Variants in KCNIP1 observed in about 807,000 individuals in gnomAD.
The protein encoded by KCNIP1 is potassium voltage-gated channel interacting protein 1.
Under a neutral mutation model 33.0 loss-of-function variants are expected in KCNIP1, and 18 were observed. The observed-to-expected ratio is 0.55, with a 90% confidence interval of 0.38 to 0.81. The LOEUF (loss-of-function observed/expected upper bound fraction) is 0.81, where lower values mean the gene tolerates loss of function less well. Among genes scored for constraint, KCNIP1 ranks in the 30% least tolerant of loss-of-function variants. The pLI, the probability that KCNIP1 is intolerant of heterozygous loss-of-function variation, is 0.00. For synonymous variants in KCNIP1, 93 were observed against 98.3 expected, an observed-to-expected ratio of 0.95 and a Z score of 0.32; for missense variants, 238 against 271.6, an observed-to-expected ratio of 0.88 and a Z score of 0.87.
chr5:170,367,057 G>A lies in KCNIP1; in HGVS notation c.88+13093G>A, dbSNP rs374714406. 2.3e-4 allele frequency among the ~76,000 whole-genome samples: 35 copies of A among 152,238 alleles called. No homozygotes were observed. The South Asian group carries it at 4.1e-3, about 18-fold the overall frequency. ...CGTGCAGTCTGGCACGGTGGCTCAC[G>A]CCTGTAATCCCAACACTTTGGGAGG... On this transcript the variant is annotated intron_variant, in intron 1 of 7. Coordinates refer to the KCNIP1 transcript ENST00000377360.
chr5:170,561,958 A>G (rs1757048322), intron 1 of KCNIP1, among the ~76,000 whole-genome samples: 1 of 152,256 alleles, frequency 6.6e-6, no homozygotes, highest in African/African-American at 2.4e-5. Context: ...AATAAATTGT[A>G]AATTGAACCA....
intron 4 of KCNIP1, 25 bp from the exon 5 acceptor site, chr5:170,722,688 T>C: frequency 6.7e-7 from 1 of 1,488,358 alleles, no homozygotes. Context: ...ATGGTTAATG[T>C]CACTCTGCCT....
intron 1 of KCNIP1, among the ~76,000 whole-genome samples, chr5:170,672,539 A>T (rs11744286): frequency 1.3e-5 from 2 of 152,202 alleles, no homozygotes; most frequent in Non-Finnish European, 2.9e-5. Context: ...GGAGAATTTT[A>T]AAAAAATATA....
intron 1 of KCNIP1, among the ~76,000 whole-genome samples, chr5:170,581,366 A>T (rs777822741): frequency 1.1e-4 from 17 of 152,250 alleles, no homozygotes; most frequent in Non-Finnish European, 1.9e-4. Flanking sequence ...CTGGATCATG[A>T]GTGTCAAGAA....
intron 1 of KCNIP1, among the ~76,000 whole-genome samples, chr5:170,434,068 A>G (rs1755804197): frequency 1.3e-5 from 2 of 152,196 alleles, no homozygotes; most frequent in African/African-American, 4.8e-5. Context: ...GCTTAAGAAA[A>G]GTGACCAAAG....
intron 1 of KCNIP1, among the ~76,000 whole-genome samples, chr5:170,711,656 G>A (rs1458737244): frequency 6.6e-6 from 1 of 152,128 alleles, no homozygotes; most frequent in Non-Finnish European, 1.5e-5. Flanking sequence ...TGTGAGGGCG[G>A]AATATACACA....
At chr5:170,498,289 G>A (rs1428909891) in intron 1 of KCNIP1, among the ~76,000 whole-genome samples, 1 of 152,218 alleles carries the variant, frequency 6.6e-6, no homozygotes, top group Non-Finnish European at 1.5e-5. Context: ...CAACGACATT[G>A]CTGAGATTGT....
At chr5:170,553,171 A>G (rs1424178855) in intron 1 of KCNIP1, among the ~76,000 whole-genome samples, 1 of 152,236 alleles carries the variant, frequency 6.6e-6, no homozygotes, top group East Asian at 1.9e-4. Flanking sequence ...GATAATCCTC[A>G]CAACTGCCCC....
chr5:170,665,711 T>C (rs1442806736), intron 1 of KCNIP1, among the ~76,000 whole-genome samples: 1 of 151,468 alleles, frequency 6.6e-6, no homozygotes, highest in African/African-American at 2.4e-5. Context: ...TTCCATTTCG[T>C]AGGCATGTCT....
At chr5:170,424,902 G>A (rs939297660) in intron 1 of KCNIP1, among the ~76,000 whole-genome samples, 4 of 152,224 alleles carry the variant, frequency 2.6e-5, no homozygotes, top group Admixed American at 6.5e-5. Context: ...TTATCTGGGC[G>A]TCTTGGCTTC....
At chr5:170,533,068 A>G (rs977465343) in intron 1 of KCNIP1, among the ~76,000 whole-genome samples, 1 of 152,198 alleles carries the variant, frequency 6.6e-6, no homozygotes, top group Non-Finnish European at 1.5e-5. Context: ...CTTTGTCTGC[A>G]GTTGTAAAAG....
rs778692053 is a variant in KCNIP1, at chr5:170,385,402, C to T, written c.88+31438C>T. On this transcript the variant is annotated intron_variant, in intron 1 of 7. Coordinates refer to the KCNIP1 transcript ENST00000377360. ...ACCATGGTTACACCCAGGCAAAGGG[C>T]TCGTGTCTCTCCCCGCTTCTGGGCC... 1.1e-5 allele frequency: 18 copies of T among 1,613,996 alleles called. No homozygotes were observed. In the South Asian group the frequency reaches 1.6e-4, roughly 15 times the overall value.
At chr5:170,566,916 G>A (rs888251385) in intron 1 of KCNIP1, among the ~76,000 whole-genome samples, 12 of 152,266 alleles carry the variant, frequency 7.9e-5, no homozygotes, top group South Asian at 4.1e-4. Flanking sequence ...ACCACGAACA[G>A]AAAGTCTGTG....
At chr5:170,364,164 C>T (rs372425474) in intron 1 of KCNIP1, among the ~76,000 whole-genome samples, 1 of 152,092 alleles carries the variant, frequency 6.6e-6, no homozygotes, top group South Asian at 2.1e-4. Context: ...CCACCACACC[C>T]AACTAATTTT....
chr5:170,700,439 T>C (rs1235546982), intron 1 of KCNIP1, among the ~76,000 whole-genome samples: 1 of 152,230 alleles, frequency 6.6e-6, no homozygotes, highest in Admixed American at 6.5e-5. Flanking sequence ...CATTGTGGCA[T>C]CTGCCCGTGG....
intron 1 of KCNIP1, among the ~76,000 whole-genome samples, chr5:170,518,786 GA>G (rs1282671075): frequency 7.2e-5 from 11 of 152,152 alleles, no homozygotes; most frequent in Non-Finnish European, 1.5e-4. Context: ...GTTCTACTGG[GA>G]TTCTGTGCTA....
At chr5:170,714,705 A>T in intron 1 of KCNIP1, among the ~76,000 whole-genome samples, 1 of 152,180 alleles carries the variant, frequency 6.6e-6, no homozygotes, top group Admixed American at 6.5e-5. Flanking sequence ...AAAAGAAATG[A>T]AAATAAAAAA....
chr5:170,569,115 A>G (rs1757306867), intron 1 of KCNIP1, among the ~76,000 whole-genome samples: 1 of 152,176 alleles, frequency 6.6e-6, no homozygotes, highest in South Asian at 2.1e-4. Context: ...ACCCTTTTCC[A>G]GTAACCATGG....
chr5:170,561,046 C>T (rs1757017744), intron 1 of KCNIP1: 1 of 453,138 alleles, frequency 2.2e-6, no homozygotes, highest in African/African-American at 2.0e-5. Flanking sequence ...GGCAGGAGCC[C>T]AGCCTCCTGG....
Sources: gnomAD v4.1 joint callset for allele counts (sites outside exome capture counted in the v4.1 genomes callset) on GRCh38, gnomAD v4.1.1 for gene constraint, MANE v1.5 for transcripts, NCBI Gene and HGNC (gene_info 2026-07-23, HGNC 2026-07-21) for gene names.